The following ZMYND19 variants were observed in gnomAD, a reference collection of about 807,000 sequenced individuals.
The protein encoded by ZMYND19 is zinc finger MYND-type containing 19, also known as zinc finger MYND domain-containing protein 19.
Under a neutral mutation model 32.0 loss-of-function variants are expected in ZMYND19, and 17 were observed. The ratio of observed to expected loss-of-function variants is 0.53; its 90% confidence interval spans 0.36 to 0.80. ZMYND19 has a LOEUF of 0.80. Among genes scored for constraint, ZMYND19 ranks in the 30% least tolerant of loss-of-function variants. The pLI is 0.00. For missense variants in ZMYND19, 250 were observed against 293.6 expected, an observed-to-expected ratio of 0.85 and a Z score of 1.09; for synonymous variants, 124 against 113.6, an observed-to-expected ratio of 1.09 and a Z score of -0.58.
chr9:137,590,313 G>C lies in ZMYND19; in HGVS notation c.-50C>G. 3.9e-6 allele frequency: 4 copies of C among 1,023,000 alleles called. No individual in the cohort carries two copies. The highest frequency in any genetic ancestry group is 3.5e-6 in the Non-Finnish European group (3 of 854,638). 63.4% of individuals were successfully genotyped at this position (1,023,000 alleles called of 1,614,324 possible). ...CAGCGCCGCTCCCTCGGGAGGCGCC[G>C]AGCGGGGGCCGGGGCGAGGCCGCGG... On this transcript the variant is annotated 5_prime_UTR_variant, in exon 1 of 6. Coordinates refer to ENST00000298585, the MANE Select transcript of ZMYND19 (RefSeq NM_138462.3). This position sits in a 1 kb window ranked among gnomAD's most constrained non-coding sequence, Gnocchi z 4.2.
At chr9:137,582,897 C>G in intron 5 of ZMYND19, 86 bp downstream of exon 5, 1 of 1,559,778 alleles carries the variant, frequency 6.4e-7, no homozygotes, top group Non-Finnish European at 8.7e-7. Flanking sequence ...GGGAATGGGA[C>G]CCCGCGGTGG....
intron 4 of ZMYND19, among the ~76,000 whole-genome samples, chr9:137,584,316 GTCCTGCTGTGCCCTCAGAGAATGGGCA>G (rs1167447400): frequency 6.6e-6 from 1 of 152,366 alleles, no homozygotes. Flanking sequence ...AGCGCAACTC[GTCCTGCTGTGCCCTCAGAGAATGGGCA>G]TCCTGCCGTG....
intron 4 of ZMYND19, among the ~76,000 whole-genome samples, chr9:137,583,792 G>C (rs1020272407): frequency 3.3e-5 from 5 of 152,274 alleles, no homozygotes; most frequent in African/African-American, 1.2e-4. Flanking sequence ...GAAGATGTTG[G>C]TGAGGTCCCA....
intron 4 of ZMYND19, among the ~76,000 whole-genome samples, chr9:137,585,945 C>G (rs1395030353): frequency 6.6e-6 from 1 of 152,260 alleles, no homozygotes; most frequent in African/African-American, 2.4e-5. Context: ...CCCAGGGCGC[C>G]AGGGGAACAT....
At chr9:137,583,849 C>G (rs1054405391) in intron 4 of ZMYND19, among the ~76,000 whole-genome samples, 1 of 152,244 alleles carries the variant, frequency 6.6e-6, no homozygotes, top group Non-Finnish European at 1.5e-5. Context: ...GAAGACAGAA[C>G]AGGAAAACAC....
Position 137,590,294 on chromosome 9 carries a change from C to A in ZMYND19, c.-31G>T. ...GGCCTGCGCTCTCGGCCGGCAGCGC[C>A]GCTCCCTCGGGAGGCGCCGAGCGGG... On this transcript the variant is annotated 5_prime_UTR_variant, in exon 1 of 6. Coordinates refer to ENST00000298585, the MANE Select transcript of ZMYND19 (RefSeq NM_138462.3). This position sits in a 1 kb window ranked among gnomAD's most constrained non-coding sequence, Gnocchi z 4.2. The A allele has an allele frequency of 8.6e-6, 9 of 1,052,422 alleles. No homozygotes were observed. The highest frequency in any genetic ancestry group is 1.0e-5 in the Non-Finnish European group (9 of 872,602). 65.2% of individuals were successfully genotyped at this position (1,052,422 alleles called of 1,614,324 possible). A position where few individuals can be genotyped will look rare whatever the true frequency, so the allele number is the denominator to read the frequency against.
At position 137,586,969 on chromosome 9, in the gene ZMYND19, C is replaced by G; in HGVS notation, c.357G>C (p.Gln119His). Reference sequence around the variant, plus strand: ...CGCCAGGCCCTGAGAAGACCCACCTCTGCTTGCTGGAGGTCTCTTCAGCCT... The same window carrying G: ...CGCCAGGCCCTGAGAAGACCCACCTGTGCTTGCTGGAGGTCTCTTCAGCCT... ...RPKAEETSSKQREQSLYWLAI... is the reference protein window; with the variant it reads ...RPKAEETSSKHREQSLYWLAI... The change falls in exon 4 of 6, where the codon CAG (glutamine) becomes CAC (histidine). Residue 119 changes from glutamine to histidine, a missense_variant and splice_region_variant. Transcript: ENST00000298585. 6.2e-7 allele frequency: 1 copy of G among 1,612,196 alleles called. No homozygotes were observed. The highest frequency in any genetic ancestry group is 8.5e-7 in the Non-Finnish European group (1 of 1,180,006).
intron 4 of ZMYND19, among the ~76,000 whole-genome samples, chr9:137,585,368 C>G (rs1842192649): frequency 6.9e-6 from 1 of 144,918 alleles, no homozygotes. Context: ...TACAGCGAGC[C>G]AAGGTCGCGC....
chr9:137,590,451 G>T lies in ZMYND19; in HGVS notation c.-188C>A. On this transcript the variant is annotated 5_prime_UTR_variant, in exon 1 of 6. Transcript: ENST00000298585. The surrounding 1 kb of genome is among the most constrained non-coding windows in gnomAD (Gnocchi z 4.2). ...CTCCGCCGCCGCCTCGCGCCCGCCGGACCTGCCACGCGCCGCCGCCGCCGC... is the reference window on the plus strand; with the variant it reads ...CTCCGCCGCCGCCTCGCGCCCGCCGTACCTGCCACGCGCCGCCGCCGCCGC... The T allele has an allele frequency of 5.2e-6, 1 of 193,132 alleles. No individual in the cohort carries two copies. Among genetic ancestry groups the T allele is most frequent in the Non-Finnish European group, 9.3e-6 (1 of 108,094 alleles). 12.0% of individuals were successfully genotyped at this position (193,132 alleles called of 1,614,324 possible).
rs748333089 is a variant in ZMYND19, at chr9:137,588,683, C to T, written c.87G>A (p.Pro29=). ...CCTCAAAGGAGTAGCTCTCCACCAG[C>T]GGGATGTCCTGCTCATCGATCAGCG... The part of the protein sequence containing the change: ...KYTLIDEQDI[P]LVESYSFEAR... Residue 29 remains proline, a synonymous_variant, in exon 2 of 6, where the codon CCG becomes CCA. Transcript: ENST00000298585. 22 of 1,614,052 alleles carry T rather than the reference C, an allele frequency of 1.4e-5. No homozygotes were observed. Among genetic ancestry groups the T allele is most frequent in the Middle Eastern group, 1.6e-4 (1 of 6,084 alleles).
At chr9:137,582,942 G>A (rs1842163783) in intron 5 of ZMYND19, 41 bp downstream of exon 5, 3 of 1,607,104 alleles carry the variant, frequency 1.9e-6, no homozygotes, top group Non-Finnish European at 1.7e-6. Context: ...GGGCTACAGG[G>A]TAGAGGTGCC....
At position 137,590,302 on chromosome 9, in the gene ZMYND19, C is replaced by G; in HGVS notation, c.-39G>C. 9.7e-7 allele frequency: 1 copy of G among 1,034,338 alleles called. No homozygotes were observed. Among genetic ancestry groups the G allele is most frequent in the Non-Finnish European group, 1.2e-6 (1 of 862,348 alleles). The allele number at this position is 1,034,338 out of a possible 1,614,324, so 64.1% of individuals were successfully genotyped here. On this transcript the variant is annotated 5_prime_UTR_variant, in exon 1 of 6. Transcript: ENST00000298585. This position sits in a 1 kb window ranked among gnomAD's most constrained non-coding sequence, Gnocchi z 4.2. ...CTCTCGGCCGGCAGCGCCGCTCCCTCGGGAGGCGCCGAGCGGGGGCCGGGG... is the reference window on the plus strand; with the variant it reads ...CTCTCGGCCGGCAGCGCCGCTCCCTGGGGAGGCGCCGAGCGGGGGCCGGGG...
intron 4 of ZMYND19, among the ~76,000 whole-genome samples, chr9:137,585,778 G>A (rs1351980580): frequency 6.6e-6 from 1 of 152,198 alleles, no homozygotes; most frequent in East Asian, 1.9e-4. Flanking sequence ...GCATGACTCT[G>A]AGGTGACAAC....
At chr9:137,589,320 C>T in intron 1 of ZMYND19, 1 of 985,120 alleles carries the variant, frequency 1.0e-6, no homozygotes. Flanking sequence ...GCTCTTGCAG[C>T]AGGGGCAGGA....
At chr9:137,589,885 G>A (rs1290022463) in intron 1 of ZMYND19, 4 of 985,272 alleles carry the variant, frequency 4.1e-6, no homozygotes, top group African/African-American at 1.7e-5. Flanking sequence ...ACACCACTGG[G>A]AGGGCTCCGG....
rs149391363 is a variant in ZMYND19 at position 137,583,073 on chromosome 9, A to G, written c.450T>C (p.Tyr150=). ...QFPVLNVTRY[Y]NANGDVVEEE... ...CTTCCACTACATCCCCGTTGGCATT[A>G]TAATACCGGGTCACATTTAGGACAG... is the stretch of plus-strand genomic sequence containing the variant. The change falls in exon 5 of 6, where the codon TAT becomes TAC. Residue 150 remains tyrosine, a synonymous_variant. Transcript: ENST00000298585. 384 of 1,614,210 alleles carry G rather than the reference A, an allele frequency of 2.4e-4. 2 individuals carry two copies. The African/African-American group carries it at 4.5e-3, about 19-fold the overall frequency.
At chr9:137,588,313 C>G (rs1160345530) in intron 2 of ZMYND19, among the ~76,000 whole-genome samples, 1 of 152,234 alleles carries the variant, frequency 6.6e-6, no homozygotes, top group East Asian at 1.9e-4. Context: ...GTGGCTAGCT[C>G]TAAAGAGCAG....
At chr9:137,589,852 C>T (rs1842250605) in intron 1 of ZMYND19, 1 of 985,350 alleles carries the variant, frequency 1.0e-6, no homozygotes, top group African/African-American at 1.7e-5. Context: ...AGCCCGGACG[C>T]CGCGCTAGGC....
intron 1 of ZMYND19, chr9:137,589,997 A>C: frequency 1.0e-6 from 1 of 984,966 alleles, no homozygotes; most frequent in Non-Finnish European, 1.2e-6. Flanking sequence ...GGCCAGGTGC[A>C]CCCCAGAGCC....
Sources: gnomAD v4.1 joint callset for allele counts (sites outside exome capture counted in the v4.1 genomes callset) on GRCh38, gnomAD v4.1.1 for gene constraint, Gnocchi (gnomAD v3.1) non-coding constraint, MANE v1.5 for transcripts, NCBI Gene and HGNC (gene_info 2026-07-23, HGNC 2026-07-21) for gene names.